DOCK3: variants seen among roughly 807,000 people sequenced by gnomAD.
DOCK3 encodes dedicator of cytokinesis protein 3.
DOCK3 carries 60 observed loss-of-function variants against 265.6 expected under a neutral mutation model. The observed-to-expected ratio is 0.23, with a 90% confidence interval of 0.18 to 0.28. The LOEUF (loss-of-function observed/expected upper bound fraction) is 0.28, where lower values mean the gene tolerates loss of function less well. Ranked by LOEUF, DOCK3 falls within the 10% of genes least tolerant of loss-of-function variation. The pLI is 1.00. For synonymous variants in DOCK3, 881 were observed against 938.0 expected (o/e 0.94, Z 1.11); for missense variants, 1,981 against 2,594.3 (o/e 0.76, Z 5.14).
At chr3:50,938,391 G>A (rs527842368) in intron 5 of DOCK3, among the ~76,000 whole-genome samples, 1 of 152,218 alleles carries the variant, frequency 6.6e-6, no homozygotes, top group East Asian at 1.9e-4. Flanking sequence ...ATCAGGAATA[G>A]AGAAGAACTG....
At chr3:50,952,554 C>G (rs2076621937) in intron 5 of DOCK3, among the ~76,000 whole-genome samples, 2 of 152,148 alleles carry the variant, frequency 1.3e-5, no homozygotes, top group Admixed American at 6.5e-5. Flanking sequence ...TATTTACTAA[C>G]TTATTCCCAT....
chr3:50,716,840 G>T (rs1055998582), intron 1 of DOCK3, among the ~76,000 whole-genome samples: 21 of 151,574 alleles, frequency 1.4e-4, no homozygotes, highest in African/African-American at 5.1e-4. Context: ...CCCATGATAG[G>T]GTATTCACCA....
chr3:50,783,655 G>A (rs1201537120), intron 2 of DOCK3, among the ~76,000 whole-genome samples: 1 of 152,044 alleles, frequency 6.6e-6, no homozygotes, highest in East Asian at 1.9e-4. Context: ...TGGATTATCT[G>A]TTTACTCTGC....
chr3:51,308,915 C>T (rs2109495652), intron 27 of DOCK3, among the ~76,000 whole-genome samples: 1 of 151,676 alleles, frequency 6.6e-6, no homozygotes, highest in Non-Finnish European at 1.5e-5. Context: ...GACGGGGCGG[C>T]CGGGCAGAGA....
At chr3:50,979,024 C>T (rs976757760) in intron 5 of DOCK3, among the ~76,000 whole-genome samples, 3 of 152,124 alleles carry the variant, frequency 2.0e-5, no homozygotes, top group African/African-American at 7.2e-5. Context: ...TGCGCACACC[C>T]ACTGACCTGC....
chr3:51,285,892 G>C (rs945620904), intron 27 of DOCK3, among the ~76,000 whole-genome samples: 7 of 152,098 alleles, frequency 4.6e-5, no homozygotes, highest in Non-Finnish European at 1.0e-4. Flanking sequence ...CCAAGATCAC[G>C]CCATTGCACT....
intron 40 of DOCK3, 99 bp downstream of exon 40, chr3:51,350,491 T>C (rs2085903103): frequency 7.7e-7 from 1 of 1,297,432 alleles, no homozygotes; most frequent in East Asian, 2.4e-5. Context: ...TTCTACTGAA[T>C]ACTTCTTTAC....
intron 22 of DOCK3, among the ~76,000 whole-genome samples, chr3:51,248,722 G>A (rs1207169823): frequency 1.3e-5 from 2 of 151,648 alleles, no homozygotes; most frequent in Non-Finnish European, 2.9e-5. Context: ...GTCTCCGCCC[G>A]GCCGCCATCC....
intron 2 of DOCK3, among the ~76,000 whole-genome samples, chr3:50,816,508 A>T (rs1330758152): frequency 6.6e-6 from 1 of 151,426 alleles, no homozygotes; most frequent in Non-Finnish European, 1.5e-5. Context: ...TTTAGTGGAG[A>T]CGGGGTTTTG....
chr3:51,103,282 A>G (rs960722202), intron 9 of DOCK3, among the ~76,000 whole-genome samples: 5 of 152,208 alleles, frequency 3.3e-5, no homozygotes. Context: ...AGCCTGTGCT[A>G]CAATGAGACT....
At chr3:51,315,394 T>C (rs2083309210) in intron 32 of DOCK3, among the ~76,000 whole-genome samples, 1 of 152,214 alleles carries the variant, frequency 6.6e-6, no homozygotes. Context: ...GACTGTAGCC[T>C]CCCAGTTTCA....
intron 21 of DOCK3, among the ~76,000 whole-genome samples, chr3:51,241,863 C>T (rs1054195213): frequency 6.6e-6 from 1 of 152,200 alleles, no homozygotes; most frequent in African/African-American, 2.4e-5. Flanking sequence ...GATTAGCTTT[C>T]AGTGTACTCC....
At chr3:51,241,051 C>T (rs2078589805) in intron 21 of DOCK3, among the ~76,000 whole-genome samples, 1 of 152,150 alleles carries the variant, frequency 6.6e-6, no homozygotes, top group African/African-American at 2.4e-5. Flanking sequence ...GTGTTTTTGT[C>T]ATGGCTGGTA....
chr3:50,762,129 A>T (rs2040571580), intron 1 of DOCK3, among the ~76,000 whole-genome samples: 1 of 152,142 alleles, frequency 6.6e-6, no homozygotes, highest in Non-Finnish European at 1.5e-5. Flanking sequence ...GCGGGGAGGG[A>T]TAGCATTAGG....
chr3:50,911,400 T>C (rs773611314), intron 4 of DOCK3, among the ~76,000 whole-genome samples: 11 of 152,124 alleles, frequency 7.2e-5, no homozygotes, highest in Non-Finnish European at 1.0e-4. Context: ...CTAGCACCAT[T>C]GATTGAATAT....
chr3:51,090,307 T>C lies in DOCK3; in HGVS notation c.669T>C (p.Ser223=). The change falls in exon 9 of 53, where the codon AGT becomes AGC. Residue 223 remains serine (S), a synonymous_variant. Transcript: ENST00000266037. The stretch of plus-strand genomic sequence containing the variant: ...ATCACTTCTTCCTCAGCCTGAAGAG[T>C]TTCACTTACAATACTATTGGGGAAG... ...VPHHFFLSLK[S]FTYNTIGEDT... is the part of the protein sequence containing the mutation. 6.2e-7 allele frequency: 1 copy of C among 1,602,156 alleles called. No individual in the cohort carries two copies. Among genetic ancestry groups the C allele is most frequent in the Non-Finnish European group, 8.5e-7 (1 of 1,174,186 alleles).
intron 12 of DOCK3, among the ~76,000 whole-genome samples, chr3:51,204,037 C>T (rs1171550709): frequency 1.5e-4 from 23 of 149,546 alleles, no homozygotes; most frequent in African/African-American, 3.9e-4. Context: ...AAGACTTAAA[C>T]GTTAGACCTA....
At chr3:50,951,758 C>T (rs931651527) in intron 5 of DOCK3, among the ~76,000 whole-genome samples, 2 of 151,338 alleles carry the variant, frequency 1.3e-5, no homozygotes, top group African/African-American at 2.4e-5. Context: ...TGAGAGAAAA[C>T]ACTGTTAAAG....
chr3:51,176,999 C>A (rs114830322), intron 12 of DOCK3, among the ~76,000 whole-genome samples: 1 of 152,128 alleles, frequency 6.6e-6, no homozygotes, highest in East Asian at 1.9e-4. Flanking sequence ...AATAATAATG[C>A]CAGTATACAT....
Sources: gnomAD v4.1 joint callset for allele counts (sites outside exome capture counted in the v4.1 genomes callset) on GRCh38, gnomAD v4.1.1 for gene constraint, MANE v1.5 for transcripts, NCBI Gene and HGNC (gene_info 2026-07-23, HGNC 2026-07-21) for gene names.